ZC3HAV1: variants seen among roughly 807,000 people sequenced by gnomAD.
ZC3HAV1 encodes the protein zinc finger CCCH-type antiviral protein 1.
Under a neutral mutation model 86.6 loss-of-function variants are expected in ZC3HAV1, and 41 were observed. The observed-to-expected ratio is 0.47, with a 90% CI of 0.37 to 0.61. The LOEUF (loss-of-function observed/expected upper bound fraction) is 0.61, where lower values mean the gene tolerates loss of function less well. ZC3HAV1 is among the 20% of genes least tolerant of loss of function. ZC3HAV1 has a pLI of 0.00. For missense variants in ZC3HAV1, 964 were observed against 1,141.1 expected (o/e 0.84, Z 2.24); for synonymous variants, 421 against 432.1 (o/e 0.97, Z 0.32).
chr7:139,093,409 T>C (rs776595878), intron 1 of ZC3HAV1, among the ~76,000 whole-genome samples: 1 of 152,234 alleles, frequency 6.6e-6, no homozygotes, highest in Non-Finnish European at 1.5e-5. Context: ...GCATTATTTG[T>C]TGTGATTAGT....
intron 1 of ZC3HAV1, among the ~76,000 whole-genome samples, chr7:139,102,031 CT>C (rs1817789362): frequency 6.6e-6 from 1 of 151,776 alleles, no homozygotes; most frequent in South Asian, 2.1e-4. Flanking sequence ...CAAAATTCCA[CT>C]ACTAGATCTC....
intron 1 of ZC3HAV1, among the ~76,000 whole-genome samples, chr7:139,105,046 A>G (rs1817893342): frequency 6.6e-6 from 1 of 150,906 alleles, no homozygotes; most frequent in South Asian, 2.1e-4. Context: ...AAAAAAAAAA[A>G]AAAAAAAGAA....
In ZC3HAV1 at chr7:139,044,342, A is replaced by C. The variant is rs1165968710; in HGVS notation, c.*3252T>G. 2 of 152,092 alleles carry C rather than the reference A, an allele frequency of 1.3e-5. No homozygotes were observed. The highest frequency in any genetic ancestry group is 2.9e-5 in the Non-Finnish European group (2 of 68,022). The allele number at this position is 152,092 out of a possible 1,614,324, so 9.4% of individuals were successfully genotyped here. Reference sequence around the variant, plus strand: ...AGCCTCTAATCGGCTCTTAAATCCAAACCTACTCATTACAAGGAAGAGTAA... The same window carrying C: ...AGCCTCTAATCGGCTCTTAAATCCACACCTACTCATTACAAGGAAGAGTAA... On this transcript the variant is annotated 3_prime_UTR_variant, in exon 13 of 13. Transcript: ENST00000242351.
chr7:139,083,759 T>C lies in ZC3HAV1; in HGVS notation c.697+21A>G, dbSNP rs754795011. 11 of 1,558,384 alleles carry C rather than the reference T, an allele frequency of 7.1e-6. No individual in the cohort carries two copies. In the African/African-American group the frequency reaches 1.3e-4, roughly 18 times the overall value. On this transcript the variant is annotated intron_variant, in intron 3 of 12. Coordinates refer to ENST00000242351, the MANE Select transcript of ZC3HAV1 (RefSeq NM_020119.4). Reference sequence around the variant, plus strand: ...AAAAAAAAAAAAGAGTTCACACAATTGAAAAAGAAAAGGCCTTTACCTCTG... The same window carrying C: ...AAAAAAAAAAAAGAGTTCACACAATCGAAAAAGAAAAGGCCTTTACCTCTG...
At chr7:139,079,028 A>C (rs1817040514) in intron 4 of ZC3HAV1, 2 of 1,510,154 alleles carry the variant, frequency 1.3e-6, no homozygotes, top group Non-Finnish European at 1.8e-6. Flanking sequence ...GGGAACATCC[A>C]AGGAAAAACC....
chr7:139,059,327 C>T (rs1816380183), intron 9 of ZC3HAV1, among the ~76,000 whole-genome samples: 1 of 152,146 alleles, frequency 6.6e-6, no homozygotes, highest in South Asian at 2.1e-4. Flanking sequence ...ATTTAAACTA[C>T]AGGAAGGGGC....
Position 139,108,785 on chromosome 7 carries a change from T to C in ZC3HAV1, c.308+239A>G, listed in dbSNP as rs986887608. 3.3e-5 allele frequency among the ~76,000 whole-genome samples: 5 copies of C among 152,214 alleles called. No individual in the cohort carries two copies. Among genetic ancestry groups the C allele is most frequent in the African/African-American group, 1.2e-4 (5 of 41,462 alleles). On this transcript the variant is annotated intron_variant, in intron 1 of 12. Coordinates refer to ENST00000242351, the MANE Select transcript of ZC3HAV1 (RefSeq NM_020119.4). This position sits in a 1 kb window ranked among gnomAD's most constrained non-coding sequence, Gnocchi z 4.2. ...GTTGAGCCTGGTCTCCTCCAGGCAC[T>C]AGCATTTTAGCCATTCTCGAGAAAA...
Position 139,057,713 on chromosome 7 carries a change from GT to G in ZC3HAV1, c.2097-2419del, listed in dbSNP as rs1219175354. ...GCCACCACGCCCGGCTAATTTTTTTGTTATTTTTAGTAGAGATGGGGTTTCA... is the reference window on the plus strand; with the variant it reads ...GCCACCACGCCCGGCTAATTTTTTTGTATTTTTAGTAGAGATGGGGTTTCA... On this transcript the variant is annotated intron_variant, in intron 9 of 12. Transcript: ENST00000242351. Among the ~76,000 whole-genome samples the G allele has an allele frequency of 6.4e-5, 5 of 78,386 alleles. 1 individual carries two copies. Among genetic ancestry groups the G allele is most frequent in the Non-Finnish European group, 1.2e-4 (5 of 40,948 alleles). 51.4% of individuals were successfully genotyped at this position (78,386 alleles called of 152,430 possible).
In ZC3HAV1 at chr7:139,045,905, T is replaced by TTA. The variant is rs1815942398; in HGVS notation, c.*1688_*1689insTA. The TTA allele has an allele frequency of 1.1e-4, 4 of 35,628 alleles. No homozygotes were observed. The South Asian group carries it at 4.5e-3, about 40-fold the overall frequency. 2.2% of individuals were successfully genotyped at this position (35,628 alleles called of 1,614,324 possible). A position where few individuals can be genotyped will look rare whatever the true frequency, so the allele number is the denominator to read the frequency against. On this transcript the variant is annotated 3_prime_UTR_variant, in exon 13 of 13. Transcript: ENST00000242351. ...TAACTCTACTCTAAAAAAACTATTT[T>TTA]TTTTTTTTTTTTTTTTTTTTTTTTT... is the stretch of plus-strand genomic sequence containing the variant.
At chr7:139,063,755 C>T (rs1816518486) in intron 8 of ZC3HAV1, among the ~76,000 whole-genome samples, 1 of 151,048 alleles carries the variant, frequency 6.6e-6, no homozygotes, top group Non-Finnish European at 1.5e-5. Flanking sequence ...AAGTGTTCTG[C>T]CTTTTTCATT....
intron 1 of ZC3HAV1, among the ~76,000 whole-genome samples, chr7:139,093,294 T>G (rs1817485283): frequency 6.6e-6 from 1 of 152,186 alleles, no homozygotes; most frequent in Admixed American, 6.5e-5. Context: ...ATCGGCATCC[T>G]GAATTATTTA....
intron 8 of ZC3HAV1, 145 bp from the exon 9 acceptor site, chr7:139,061,283 A>C: frequency 1.3e-6 from 1 of 746,684 alleles, no homozygotes; most frequent in Non-Finnish European, 2.1e-6. Context: ...CTTTGGGATG[A>C]GAATTGCTCA....
Position 139,061,079 on chromosome 7 carries a change from A to G in ZC3HAV1, c.2053T>C (p.Phe685Leu), listed in dbSNP as rs201818853. ...TGCTGCACATACCACTGAGGCACAAATGTTGGTCTTCTGATGACATCCTTT... is the reference window on the plus strand; with the variant it reads ...TGCTGCACATACCACTGAGGCACAAGTGTTGGTCTTCTGATGACATCCTTT... ...TQKDVIRRPT[F>L]VPQWYVQQMK... The change falls in exon 9 of 13, where the codon TTT (phenylalanine) becomes CTT (leucine). Residue 685 changes from phenylalanine (F) to leucine (L), a missense_variant. Transcript: ENST00000242351. 17 of 1,613,572 alleles carry G rather than the reference A, an allele frequency of 1.1e-5. No homozygotes were observed. Among genetic ancestry groups the G allele is most frequent in the Non-Finnish European group, 1.4e-5 (16 of 1,179,968 alleles).
intron 12 of ZC3HAV1, among the ~76,000 whole-genome samples, chr7:139,048,671 A>G (rs1015094664): frequency 2.0e-5 from 3 of 152,032 alleles, no homozygotes; most frequent in African/African-American, 7.3e-5. Flanking sequence ...AGATATTGCA[A>G]CTCCTATTTC....
chr7:139,056,319 T>G (rs1329079452), intron 9 of ZC3HAV1, among the ~76,000 whole-genome samples: 1 of 151,536 alleles, frequency 6.6e-6, no homozygotes, highest in Non-Finnish European at 1.5e-5. Flanking sequence ...CCAGGTTAAT[T>G]TTCTACATTT....
At chr7:139,088,040 A>T (rs1329105218) in intron 2 of ZC3HAV1, among the ~76,000 whole-genome samples, 1 of 149,770 alleles carries the variant, frequency 6.7e-6, no homozygotes, top group Non-Finnish European at 1.5e-5. Context: ...TCAAAAAAAA[A>T]AAAAAAAAAA....
chr7:139,053,921 C>T (rs1187741667), intron 11 of ZC3HAV1, 44 bp downstream of exon 11: 2 of 1,582,912 alleles, frequency 1.3e-6, no homozygotes, highest in South Asian at 1.2e-5. Context: ...TTAACTAATC[C>T]TTTCCGGTTT....
chr7:139,062,199 C>A (rs777009959), intron 8 of ZC3HAV1, among the ~76,000 whole-genome samples: 1 of 151,946 alleles, frequency 6.6e-6, no homozygotes. Context: ...CATCCAACTG[C>A]ACTCTTAAAA....
intron 10 of ZC3HAV1, 121 bp from the exon 11 acceptor site, chr7:139,054,216 G>C (rs1816218192): frequency 9.7e-7 from 1 of 1,029,090 alleles, no homozygotes; most frequent in East Asian, 3.0e-5. Context: ...ACAGCAGATA[G>C]GATGAGCTGG....
Sources: allele counts gnomAD v4.1 joint callset (sites outside exome capture counted in the v4.1 genomes callset), GRCh38; gene constraint gnomAD v4.1.1; non-coding constraint Gnocchi (gnomAD v3.1); transcripts MANE v1.5; gene names NCBI Gene and HGNC (gene_info 2026-07-23, HGNC 2026-07-21).